ZMYM4: variants seen among roughly 807,000 people sequenced by gnomAD.
The protein encoded by ZMYM4 is zinc finger MYM-type protein 4.
Under a neutral mutation model 183.2 loss-of-function variants are expected in ZMYM4, and 31 were observed. The observed-to-expected ratio is 0.17, with a 90% CI of 0.13 to 0.23. The LOEUF is 0.23. ZMYM4 is among the 10% of genes least tolerant of loss of function. The pLI is 1.00. For synonymous variants in ZMYM4, 592 were observed against 631.2 expected, an observed-to-expected ratio of 0.94 and a Z score of 0.93; for missense variants, 1,273 against 1,840.3, an observed-to-expected ratio of 0.69 and a Z score of 5.64.
chr1:35,392,071 AC>A, intron 15 of ZMYM4, 140 bp from the exon 16 acceptor site: 1 of 1,086,952 alleles, frequency 9.2e-7, no homozygotes, highest in Non-Finnish European at 1.3e-6. Flanking sequence ...GAAAACCAAA[AC>A]CCAGTTAATC....
chr1:35,359,217 T>C lies in ZMYM4; in HGVS notation c.378T>C (p.Asn126=). 6.2e-7 allele frequency: 1 copy of C among 1,611,256 alleles called. No individual in the cohort carries two copies. Among genetic ancestry groups the C allele is most frequent in the Non-Finnish European group, 8.5e-7 (1 of 1,178,912 alleles). Residue 126 remains asparagine (N), a synonymous_variant, in exon 3 of 30, where the codon AAT becomes AAC. Coordinates refer to ENST00000314607, the MANE Select transcript of ZMYM4 (RefSeq NM_005095.3). ...CACAGCATGAATCAGACAATGAAAA[T>C]GAAATACAAATTCAAAATAAGTTAA... ...RVTQHESDNE[N]EIQIQNKLKK...
chr1:35,326,805 A>T (rs923241750), intron 2 of ZMYM4, among the ~76,000 whole-genome samples: 1 of 152,198 alleles, frequency 6.6e-6, no homozygotes, highest in Non-Finnish European at 1.5e-5. Context: ...ACTCATGCAG[A>T]CATGGAAAGA....
intron 2 of ZMYM4, among the ~76,000 whole-genome samples, chr1:35,358,507 A>T (rs1643878062): frequency 6.6e-6 from 1 of 152,088 alleles, no homozygotes; most frequent in South Asian, 2.1e-4. Context: ...TTGTGTTAGT[A>T]GGTCTTTTGT....
chr1:35,278,282 G>A (rs887233351), intron 1 of ZMYM4, among the ~76,000 whole-genome samples: 13 of 151,972 alleles, frequency 8.6e-5, no homozygotes, highest in Middle Eastern at 3.4e-3. Context: ...GTGGTTCTGG[G>A]TGGACATAAC....
intron 1 of ZMYM4, among the ~76,000 whole-genome samples, chr1:35,289,564 T>C (rs2148711822): frequency 6.6e-6 from 1 of 152,268 alleles, no homozygotes; most frequent in African/African-American, 2.4e-5. Context: ...GATTTAAAAA[T>C]TGGTGATTAC....
intron 7 of ZMYM4, among the ~76,000 whole-genome samples, chr1:35,378,390 A>G (rs750515629): frequency 2.0e-5 from 3 of 152,218 alleles, no homozygotes; most frequent in Non-Finnish European, 4.4e-5. Context: ...ATCACTATCT[A>G]TGGCAGCTGT....
chr1:35,382,278 A>G (rs9730038), intron 9 of ZMYM4, among the ~76,000 whole-genome samples: 1,827 of 150,704 alleles, frequency 0.012, 40 homozygotes, highest in African/African-American at 0.042. Flanking sequence ...ATATATATGT[A>G]TATATACATA....
chr1:35,343,424 T>C (rs1452032806), intron 2 of ZMYM4, among the ~76,000 whole-genome samples: 1 of 152,236 alleles, frequency 6.6e-6, no homozygotes, highest in Non-Finnish European at 1.5e-5. Flanking sequence ...GAAGATTTTT[T>C]TTTTGGATTG....
chr1:35,352,868 A>G (rs1195641771), intron 2 of ZMYM4, among the ~76,000 whole-genome samples: 1 of 152,176 alleles, frequency 6.6e-6, no homozygotes, highest in Non-Finnish European at 1.5e-5. Flanking sequence ...ACCTAGTTTC[A>G]TGAATTTTAA....
chr1:35,355,189 A>G (rs1643773772), intron 2 of ZMYM4, among the ~76,000 whole-genome samples: 1 of 137,418 alleles, frequency 7.3e-6, no homozygotes, highest in Non-Finnish European at 1.5e-5. Context: ...GCCCGTCACC[A>G]CGCCTGGCTT....
At chr1:35,393,163 C>G (rs1018051320) in intron 17 of ZMYM4, among the ~76,000 whole-genome samples, 87 of 152,266 alleles carry the variant, frequency 5.7e-4, no homozygotes, top group African/African-American at 2.1e-3. Context: ...TAAGGTGTTT[C>G]TCCAGGTTTC....
At chr1:35,402,251 T>C (rs1644923008) in intron 23 of ZMYM4, among the ~76,000 whole-genome samples, 1 of 152,190 alleles carries the variant, frequency 6.6e-6, no homozygotes, top group Non-Finnish European at 1.5e-5. Context: ...ACAAGTCTCA[T>C]TATATTCTGT....
chr1:35,310,033 G>T (rs1034445767), intron 1 of ZMYM4, among the ~76,000 whole-genome samples: 2 of 150,998 alleles, frequency 1.3e-5, no homozygotes, highest in Non-Finnish European at 2.9e-5. Flanking sequence ...AGGTTCAAGC[G>T]ATTCTCCTGC....
chr1:35,350,981 GA>G, intron 2 of ZMYM4: 1 of 808,024 alleles, frequency 1.2e-6, no homozygotes, highest in Non-Finnish European at 2.0e-6. Flanking sequence ...AATATGGTTT[GA>G]AGGTTGGCCT....
chr1:35,299,797 C>CTT (rs553866480), intron 1 of ZMYM4, among the ~76,000 whole-genome samples: 2,242 of 142,992 alleles, frequency 0.016, 45 homozygotes, highest in African/African-American at 0.054. Flanking sequence ...TCTTTCTTTT[C>CTT]TTTTTTTTTT....
At chr1:35,358,295 T>C (rs1383004190) in intron 2 of ZMYM4, among the ~76,000 whole-genome samples, 2 of 152,168 alleles carry the variant, frequency 1.3e-5, no homozygotes, top group Non-Finnish European at 2.9e-5. Context: ...ATTAGTAGTT[T>C]TAAACAGTAA....
intron 1 of ZMYM4, among the ~76,000 whole-genome samples, chr1:35,324,718 G>A (rs1382564192): frequency 6.6e-6 from 1 of 152,156 alleles, no homozygotes; most frequent in Non-Finnish European, 1.5e-5. Context: ...TGAGTAACAG[G>A]CAGGGAAGCA....
chr1:35,411,860 T>G (rs991864023), intron 26 of ZMYM4, among the ~76,000 whole-genome samples: 1 of 152,132 alleles, frequency 6.6e-6, no homozygotes, highest in Admixed American at 6.5e-5. Flanking sequence ...TTTTTGATGC[T>G]TTGGTAAACA....
rs548000168 is a variant in ZMYM4 at position 35,339,486 on chromosome 1, T to C, written c.85+14081T>C. On this transcript the variant is annotated intron_variant, in intron 2 of 29. Transcript: ENST00000314607. ...CTGACCTCAGGTGATCCGCCTGCCTTGGCCTCCCAAAGTGCTGGGATTACA... is the reference window on the plus strand; with the variant it reads ...CTGACCTCAGGTGATCCGCCTGCCTCGGCCTCCCAAAGTGCTGGGATTACA... 8.5e-5 allele frequency among the ~76,000 whole-genome samples: 13 copies of C among 152,202 alleles called. 2 individuals are homozygous for C. The highest frequency in any genetic ancestry group is 2.6e-4 in the African/African-American group (11 of 41,552).
Sources: allele counts gnomAD v4.1 joint callset (sites outside exome capture counted in the v4.1 genomes callset), GRCh38; gene constraint gnomAD v4.1.1; transcripts MANE v1.5; gene names NCBI Gene and HGNC (gene_info 2026-07-23, HGNC 2026-07-21).